Variants in ABTB2 observed in about 807,000 individuals in gnomAD.
ABTB2 encodes the protein ankyrin repeat and BTB/POZ domain-containing protein 2.
A neutral mutation model predicts 104.1 loss-of-function variants in ABTB2; 56 were observed. That is an observed-to-expected ratio of 0.54 (90% CI 0.43 to 0.67). The LOEUF is 0.67. Among genes scored for constraint, ABTB2 ranks in the 30% least tolerant of loss-of-function variants. The probability of loss-of-function intolerance (pLI) is 0.00; values close to 1 mark genes in which losing one functional copy is unlikely to be tolerated. For synonymous variants in ABTB2, 606 were observed against 608.2 expected (o/e 1.00, Z 0.05); for missense variants, 1,279 against 1,407.7 (o/e 0.91, Z 1.46).
chr11:34,257,614 G>A lies in ABTB2; in HGVS notation c.884-52924C>T, dbSNP rs1565152804. Among the ~76,000 whole-genome samples the A allele has an allele frequency of 2.6e-5, 4 of 151,962 alleles. No homozygotes were observed. The East Asian group carries it at 5.8e-4, about 22-fold the overall frequency. On this transcript the variant is annotated intron_variant, in intron 1 of 16. Transcript: ENST00000435224. The stretch of plus-strand genomic sequence containing the variant: ...AGTGACTTCTTTTTTTTTGAGACAG[G>A]ATTTCGCTCTGTTGCCCAGGCTGGA...
chr11:34,171,692 C>A (rs1048740606), intron 4 of ABTB2, among the ~76,000 whole-genome samples: 47 of 152,134 alleles, frequency 3.1e-4, no homozygotes, highest in African/African-American at 1.1e-3. Flanking sequence ...AAGCAGGAAG[C>A]AGCTCCCACC....
intron 3 of ABTB2, among the ~76,000 whole-genome samples, chr11:34,194,987 A>G (rs1314173662): frequency 7.3e-5 from 11 of 150,898 alleles, no homozygotes; most frequent in Admixed American, 6.6e-4. Context: ...AACTCAGATC[A>G]TGAAGAAACC....
chr11:34,343,423 A>G (rs1177119244), intron 1 of ABTB2, among the ~76,000 whole-genome samples: 2 of 151,976 alleles, frequency 1.3e-5, no homozygotes, highest in African/African-American at 4.8e-5. Context: ...TTTATTTCAG[A>G]ATATCTGGAG....
intron 1 of ABTB2, among the ~76,000 whole-genome samples, chr11:34,324,358 A>G (rs959145870): frequency 2.0e-5 from 3 of 152,228 alleles, no homozygotes; most frequent in Admixed American, 1.3e-4. Context: ...TCCTGGGCCC[A>G]TGATAGGCAT....
intron 7 of ABTB2, 107 bp from the exon 8 acceptor site, chr11:34,165,463 G>T: frequency 2.3e-6 from 2 of 853,378 alleles, no homozygotes; most frequent in South Asian, 3.5e-5. Flanking sequence ...CCAGGCATGT[G>T]ACCAAGACAC....
intron 3 of ABTB2, among the ~76,000 whole-genome samples, chr11:34,174,851 G>T (rs956961285): frequency 2.0e-4 from 31 of 152,398 alleles, no homozygotes; most frequent in Admixed American, 6.5e-5. Context: ...TCTGATGACA[G>T]CCCAAAAGTC....
chr11:34,286,665 C>T (rs1156801332), intron 1 of ABTB2, among the ~76,000 whole-genome samples: 1 of 152,154 alleles, frequency 6.6e-6, no homozygotes, highest in African/African-American at 2.4e-5. Flanking sequence ...CCAGCATCCA[C>T]CTCTAGATCT....
chr11:34,309,744 T>C (rs1322287001), intron 1 of ABTB2, among the ~76,000 whole-genome samples: 4 of 152,098 alleles, frequency 2.6e-5, no homozygotes, highest in African/African-American at 9.7e-5. Context: ...AATTGTTCCT[T>C]TAGAAAACAG....
rs556333190 is a variant in ABTB2 at position 34,270,273 on chromosome 11, T to G, written c.884-65583A>C. Among the ~76,000 whole-genome samples, 3 of 151,920 alleles carry G rather than the reference T, an allele frequency of 2.0e-5. No individual in the cohort carries two copies. In the South Asian group the frequency reaches 6.3e-4, roughly 32 times the overall value. ...TGGGTGGGCAGCTTCCTGCATGGTT[T>G]CAGGATCAAACATAGCCCACGTATC... On this transcript the variant is annotated intron_variant, in intron 1 of 16. Transcript: ENST00000435224.
intron 1 of ABTB2, among the ~76,000 whole-genome samples, chr11:34,341,224 G>A (rs1011615081): frequency 3.0e-4 from 45 of 152,134 alleles, no homozygotes; most frequent in African/African-American, 1.0e-3. Context: ...TTTTGCTGAG[G>A]AGGAAACAAC....
chr11:34,226,091 A>G (rs1387877617), intron 1 of ABTB2, among the ~76,000 whole-genome samples: 1 of 151,212 alleles, frequency 6.6e-6, no homozygotes, highest in East Asian at 2.0e-4. Context: ...AGTCCCAGAT[A>G]CTTGGGAGGC....
intron 2 of ABTB2, among the ~76,000 whole-genome samples, chr11:34,201,811 G>C (rs1172064523): frequency 6.6e-6 from 1 of 152,248 alleles, no homozygotes; most frequent in Non-Finnish European, 1.5e-5. Context: ...TCTGTGAAAA[G>C]ATGCTGTAAG....
At chr11:34,236,740 C>T (rs776081702) in intron 1 of ABTB2, among the ~76,000 whole-genome samples, 7 of 152,104 alleles carry the variant, frequency 4.6e-5, no homozygotes, top group Non-Finnish European at 1.0e-4. Context: ...GACAAAGAAC[C>T]GAGGAGGGTA....
In ABTB2 at chr11:34,154,900, C is replaced by G. The variant is rs1852600530; in HGVS notation, c.2698-131G>C. ...CCTCTGCAGGTCCCCAGCTCTGTCTCTCCCTCCCTCTCCTGCTCAGGCTGA... is the reference window on the plus strand; with the variant it reads ...CCTCTGCAGGTCCCCAGCTCTGTCTGTCCCTCCCTCTCCTGCTCAGGCTGA... On this transcript the variant is annotated intron_variant, in intron 14 of 16. Transcript: ENST00000435224. The surrounding 1 kb of genome is among the most constrained non-coding windows in gnomAD (Gnocchi z 4.9). The G allele has an allele frequency of 3.9e-6, 3 of 776,212 alleles. No individual in the cohort carries two copies. The highest frequency in any genetic ancestry group is 4.2e-6 in the Non-Finnish European group (2 of 472,922). 48.1% of individuals were successfully genotyped at this position (776,212 alleles called of 1,614,324 possible).
chr11:34,182,340 G>A (rs758858808), intron 3 of ABTB2, among the ~76,000 whole-genome samples: 3 of 152,126 alleles, frequency 2.0e-5, no homozygotes, highest in Non-Finnish European at 4.4e-5. Flanking sequence ...GAATGGTTTG[G>A]CATGGCTTGG....
chr11:34,283,577 T>C (rs1036162039), intron 1 of ABTB2, among the ~76,000 whole-genome samples: 1 of 152,142 alleles, frequency 6.6e-6, no homozygotes, highest in African/African-American at 2.4e-5. Context: ...AAAGTATATA[T>C]TGAGAAAAAA....
At chr11:34,198,566 G>A (rs1692083596) in intron 2 of ABTB2, among the ~76,000 whole-genome samples, 1 of 152,148 alleles carries the variant, frequency 6.6e-6, no homozygotes, top group Admixed American at 6.5e-5. Context: ...AACCAGCCAT[G>A]GCTGTGTGGC....
chr11:34,170,744 T>A (rs1286521633), intron 5 of ABTB2, among the ~76,000 whole-genome samples, 162 bp downstream of exon 5: 1 of 152,184 alleles, frequency 6.6e-6, no homozygotes, highest in African/African-American at 2.4e-5. Context: ...AAGCTGACAT[T>A]CCACATGACC....
At chr11:34,311,278 G>T (rs960461429) in intron 1 of ABTB2, among the ~76,000 whole-genome samples, 9 of 152,206 alleles carry the variant, frequency 5.9e-5, no homozygotes, top group Non-Finnish European at 1.3e-4. Flanking sequence ...CTTCCATGCT[G>T]CAGACCCAGA....
Sources: gnomAD v4.1 joint callset for allele counts (sites outside exome capture counted in the v4.1 genomes callset) on GRCh38, gnomAD v4.1.1 for gene constraint, Gnocchi (gnomAD v3.1) non-coding constraint, MANE v1.5 for transcripts, NCBI Gene and HGNC (gene_info 2026-07-23, HGNC 2026-07-21) for gene names.